Variants in PCDHA9 observed in about 807,000 individuals in gnomAD.
PCDHA9 encodes protocadherin alpha-9.
A neutral mutation model predicts 62.0 loss-of-function variants in PCDHA9; 62 were observed. The observed-to-expected ratio is 1.00, with a 90% CI of 0.81 to 1.23. PCDHA9 has a LOEUF of 1.23. Among genes scored for constraint, PCDHA9 ranks in the 50% most tolerant of loss-of-function variants. PCDHA9 has a pLI of 0.00. For missense variants in PCDHA9, 1,205 were observed against 1,249.8 expected (o/e 0.96, Z 0.54); for synonymous variants, 557 against 567.6 (o/e 0.98, Z 0.27).
intron 1 of PCDHA9, chr5:140,876,863 T>C (rs1225401565): frequency 4.3e-6 from 7 of 1,613,806 alleles, no homozygotes; most frequent in Non-Finnish European, 5.1e-6. Flanking sequence ...ACAGTGTTCG[T>C]GAAGGAGAAC....
At chr5:140,876,181 G>A in intron 1 of PCDHA9, 9 of 1,613,980 alleles carry the variant, frequency 5.6e-6, no homozygotes, top group Non-Finnish European at 7.6e-6. Flanking sequence ...GGATGTGAAT[G>A]ACAATGGTCC....
At chr5:140,876,907 G>A (rs782597420) in intron 1 of PCDHA9, 1 of 1,614,022 alleles carries the variant, frequency 6.2e-7, no homozygotes, top group Admixed American at 1.7e-5. Flanking sequence ...CACGGTGTCG[G>A]CATGGGACGC....
intron 3 of PCDHA9, among the ~76,000 whole-genome samples, chr5:140,989,205 C>G (rs750885432): frequency 6.6e-6 from 1 of 152,192 alleles, no homozygotes; most frequent in Admixed American, 6.5e-5. Flanking sequence ...TTCTAGCTTT[C>G]TTTATACACC....
intron 1 of PCDHA9, among the ~76,000 whole-genome samples, chr5:140,963,607 G>A (rs558578531): frequency 2.0e-5 from 3 of 152,306 alleles, no homozygotes; most frequent in Non-Finnish European, 4.4e-5. Context: ...GACGTAATTG[G>A]GAAAGCTTAA....
intron 1 of PCDHA9, among the ~76,000 whole-genome samples, chr5:140,977,739 T>C (rs1198089748): frequency 1.3e-5 from 2 of 152,206 alleles, no homozygotes; most frequent in South Asian, 2.1e-4. Context: ...CTGGGTGTTA[T>C]GAAGAAATGT....
intron 1 of PCDHA9, among the ~76,000 whole-genome samples, chr5:140,964,473 T>C (rs1457345251): frequency 6.6e-6 from 1 of 152,068 alleles, no homozygotes; most frequent in Non-Finnish European, 1.5e-5. Flanking sequence ...TGCCTATGAT[T>C]TTTTCACAGT....
At chr5:140,851,386 G>A (rs1374142206) in intron 1 of PCDHA9, 1 of 975,080 alleles carries the variant, frequency 1.0e-6, no homozygotes, top group African/African-American at 1.8e-5. Flanking sequence ...GCAACCTTCA[G>A]TATCTATTAT....
intron 1 of PCDHA9, chr5:140,877,038 G>T (rs782221827): frequency 2.5e-6 from 4 of 1,612,418 alleles, no homozygotes; most frequent in East Asian, 2.2e-5. Flanking sequence ...CGCTGCAGCC[G>T]CTAGACCACG....
intron 1 of PCDHA9, chr5:140,927,529 C>A: frequency 6.2e-7 from 1 of 1,614,098 alleles, no homozygotes; most frequent in South Asian, 1.1e-5. Flanking sequence ...GCTACCTGCC[C>A]GCTCAGGAGA....
At position 140,928,406 on chromosome 5, in the gene PCDHA9, G is replaced by T. The variant is rs782285182; in HGVS notation, c.2395-50543G>T. On this transcript the variant is annotated intron_variant, in intron 1 of 3. Coordinates refer to ENST00000532602, the MANE Select transcript of PCDHA9 (RefSeq NM_031857.2). ...TTGCTGGCAGTGGAATCATCCAGTG[G>T]GGCCATCACTGCCAAAACTTCCTTT... 3 of 1,614,050 alleles carry T rather than the reference G, an allele frequency of 1.9e-6. No individual in the cohort carries two copies. The Admixed American group carries it at 5.0e-5, about 27-fold the overall frequency.
intron 3 of PCDHA9, among the ~76,000 whole-genome samples, chr5:140,985,090 A>C (rs1214396432): frequency 6.6e-6 from 1 of 152,076 alleles, no homozygotes; most frequent in Non-Finnish European, 1.5e-5. Context: ...GGCGTGTGCC[A>C]CCAAGCCTGG....
chr5:140,855,044 T>C lies in PCDHA9; in HGVS notation c.2394+4155T>C, dbSNP rs1055824292. ...TCTTGTATAAAGGATTTTTCTGTAA[T>C]AGTACTTTTCTGTTTTCTTAAATAC... On this transcript the variant is annotated intron_variant, in intron 1 of 3. Coordinates refer to ENST00000532602, the MANE Select transcript of PCDHA9 (RefSeq NM_031857.2). 4.0e-5 allele frequency among the ~76,000 whole-genome samples: 6 copies of C among 149,952 alleles called. 2 individuals carry two copies. The highest frequency in any genetic ancestry group is 8.9e-5 in the Non-Finnish European group (6 of 67,110).
At chr5:140,983,931 G>A (rs1398681067) in intron 3 of PCDHA9, among the ~76,000 whole-genome samples, 1 of 152,190 alleles carries the variant, frequency 6.6e-6, no homozygotes, top group Non-Finnish European at 1.5e-5. Context: ...GCTATTTATG[G>A]ATGTTGCACA....
intron 1 of PCDHA9, among the ~76,000 whole-genome samples, chr5:140,912,566 T>G (rs1562988008): frequency 2.0e-5 from 3 of 152,178 alleles, no homozygotes; most frequent in Admixed American, 1.3e-4. Context: ...CAGTTTTAAC[T>G]TCCTCTTTTC....
At chr5:140,868,865 G>A (rs1554162260) in intron 1 of PCDHA9, 2 of 582,344 alleles carry the variant, frequency 3.4e-6, no homozygotes. Context: ...GGTAAATGCA[G>A]TGCACAGTAC....
chr5:140,915,324 T>G (rs782080439), intron 1 of PCDHA9, among the ~76,000 whole-genome samples: 1 of 152,210 alleles, frequency 6.6e-6, no homozygotes, highest in Non-Finnish European at 1.5e-5. Flanking sequence ...ATTACAGTGT[T>G]ATAATATTCT....
chr5:140,856,693 T>C (rs374352563), intron 1 of PCDHA9: 9 of 1,596,766 alleles, frequency 5.6e-6, no homozygotes, highest in African/African-American at 4.0e-5. Flanking sequence ...CAGCAACTGA[T>C]GGAGGCAAAC....
At chr5:140,912,164 C>G (rs1554195175) in intron 1 of PCDHA9, among the ~76,000 whole-genome samples, 1 of 152,158 alleles carries the variant, frequency 6.6e-6, no homozygotes, top group Non-Finnish European at 1.5e-5. Flanking sequence ...TTTATTCTGG[C>G]TGTGCTGGCA....
At chr5:140,962,170 C>T (rs1326323755) in intron 1 of PCDHA9, among the ~76,000 whole-genome samples, 6 of 152,194 alleles carry the variant, frequency 3.9e-5, no homozygotes, top group South Asian at 4.1e-4. Context: ...CCACCACACC[C>T]GGCCACTTAT....
Sources: allele counts gnomAD v4.1 joint callset (sites outside exome capture counted in the v4.1 genomes callset), GRCh38; gene constraint gnomAD v4.1.1; transcripts MANE v1.5; gene names NCBI Gene and HGNC (gene_info 2026-07-23, HGNC 2026-07-21).